Variants in ZNF804B observed in about 807,000 individuals in gnomAD.
ZNF804B encodes zinc finger 804B.
Under a neutral mutation model 101.4 loss-of-function variants are expected in ZNF804B, and 80 were observed. The observed-to-expected ratio is 0.79, with a 90% confidence interval of 0.66 to 0.95. The LOEUF (loss-of-function observed/expected upper bound fraction) is 0.95, where lower values mean the gene tolerates loss of function less well. Among genes scored for constraint, ZNF804B ranks in the 40% least tolerant of loss-of-function variants. The pLI is 0.00. For missense variants in ZNF804B, 1,673 were observed against 1,561.9 expected, an observed-to-expected ratio of 1.07 and a Z score of -1.20; for synonymous variants, 622 against 558.8, an observed-to-expected ratio of 1.11 and a Z score of -1.59.
chr7:89,079,357 T>A (rs1789660971), intron 1 of ZNF804B, among the ~76,000 whole-genome samples: 1 of 152,036 alleles, frequency 6.6e-6, no homozygotes, highest in African/African-American at 2.4e-5. Flanking sequence ...AAGTAAAAAG[T>A]AAAACATAAG....
intron 1 of ZNF804B, among the ~76,000 whole-genome samples, chr7:88,980,512 A>G (rs1397213948): frequency 3.3e-5 from 5 of 152,218 alleles, no homozygotes; most frequent in East Asian, 2.0e-4. Flanking sequence ...CACTGCAGCC[A>G]TATCTGCAAT....
intron 2 of ZNF804B, among the ~76,000 whole-genome samples, chr7:89,298,121 A>G (rs1790411515): frequency 4.7e-5 from 1 of 21,374 alleles, no homozygotes; most frequent in Non-Finnish European, 7.6e-5. Context: ...CCTCTATTTC[A>G]TATAAATATA....
intron 1 of ZNF804B, among the ~76,000 whole-genome samples, chr7:89,048,244 T>C (rs6971310): frequency 0.82 from 123,534 of 151,432 alleles, 50,820 homozygotes; most frequent in African/African-American, 0.91. Flanking sequence ...ACTACTCAGC[T>C]GTAAAAAGGA....
At chr7:89,325,443 GAA>G (rs528418140) in intron 2 of ZNF804B, among the ~76,000 whole-genome samples, 8 of 150,280 alleles carry the variant, frequency 5.3e-5, no homozygotes, top group Non-Finnish European at 4.4e-5. Context: ...TCCTTGAAGG[GAA>G]AAAAAAATTG....
At chr7:89,230,343 A>G (rs1431743905) in intron 2 of ZNF804B, among the ~76,000 whole-genome samples, 1 of 151,936 alleles carries the variant, frequency 6.6e-6, no homozygotes, top group South Asian at 2.1e-4. Context: ...GAGTTAGGAT[A>G]ATAAAGAAAT....
intron 1 of ZNF804B, among the ~76,000 whole-genome samples, chr7:88,949,813 A>G (rs1487279214): frequency 4.6e-5 from 7 of 151,928 alleles, no homozygotes; most frequent in African/African-American, 1.7e-4. Flanking sequence ...ATTTACCATT[A>G]TGCTACAATT....
chr7:89,300,147 G>C (rs977275729), intron 2 of ZNF804B, among the ~76,000 whole-genome samples: 1 of 151,456 alleles, frequency 6.6e-6, no homozygotes, highest in African/African-American at 2.4e-5. Flanking sequence ...ATGTCACTCT[G>C]CTGTATGAGA....
chr7:89,300,512 A>C (rs1474163422), intron 2 of ZNF804B, among the ~76,000 whole-genome samples: 1 of 151,878 alleles, frequency 6.6e-6, no homozygotes, highest in Non-Finnish European at 1.5e-5. Context: ...ATGATATTGG[A>C]TTCTGAAGAT....
At chr7:88,862,160 T>C (rs1040004054) in intron 1 of ZNF804B, among the ~76,000 whole-genome samples, 7 of 152,208 alleles carry the variant, frequency 4.6e-5, no homozygotes, top group African/African-American at 1.7e-4. Context: ...AAAGGACATG[T>C]AGTATAAAAT....
At position 89,334,578 on chromosome 7, in the gene ZNF804B, A is replaced by G. The variant is rs781274730; in HGVS notation, c.1596A>G (p.Gln532=). 99 of 1,613,682 alleles carry G rather than the reference A, an allele frequency of 6.1e-5. No individual in the cohort carries two copies. The Admixed American group carries it at 1.3e-3, about 21-fold the overall frequency. The stretch of plus-strand genomic sequence containing the variant: ...AAAAATTGATCCAAGAAGATTATCA[A>G]TATCCGAAACCAAAGACGATGATAG... ...DQQKLIQEDY[Q]YPKPKTMIAN... The change falls in exon 4 of 4, where the codon CAA becomes CAG. Residue 532 remains glutamine (Q), a synonymous_variant. Coordinates refer to ENST00000333190, the MANE Select transcript of ZNF804B (RefSeq NM_181646.5).
At chr7:88,800,054 C>T (rs1790554518) in intron 1 of ZNF804B, among the ~76,000 whole-genome samples, 1 of 152,088 alleles carries the variant, frequency 6.6e-6, no homozygotes, top group Admixed American at 6.6e-5. Flanking sequence ...AAACAAAACA[C>T]TCTAAATCAT....
At chr7:88,913,238 T>C (rs1341834680) in intron 1 of ZNF804B, among the ~76,000 whole-genome samples, 1 of 152,206 alleles carries the variant, frequency 6.6e-6, no homozygotes, top group African/African-American at 2.4e-5. Context: ...AATTAAATTA[T>C]TGAAATAGTT....
rs1790383601 is a variant in ZNF804B at position 89,296,333 on chromosome 7, T to C, written c.250-31011T>C. ...AGATATGTAATTTTAAAATAAAATG[T>C]TTGACCTCTTTATTTTCATATAATT... On this transcript the variant is annotated intron_variant, in intron 2 of 3. Transcript: ENST00000333190. 2.6e-5 allele frequency among the ~76,000 whole-genome samples: 4 copies of C among 152,094 alleles called. No homozygotes were observed. The South Asian group carries it at 8.3e-4, about 31-fold the overall frequency.
intron 2 of ZNF804B, among the ~76,000 whole-genome samples, chr7:89,292,624 G>A (rs2115900226): frequency 6.6e-6 from 1 of 151,516 alleles, no homozygotes; most frequent in East Asian, 1.9e-4. Context: ...ACTGAAAATA[G>A]ACAAAAAAAG....
chr7:89,117,559 A>G (rs898294641), intron 1 of ZNF804B, among the ~76,000 whole-genome samples: 1 of 152,238 alleles, frequency 6.6e-6, no homozygotes, highest in Non-Finnish European at 1.5e-5. Context: ...ATTACTCAGT[A>G]TGATACCCAG....
chr7:89,103,164 T>A (rs1197700683), intron 1 of ZNF804B, among the ~76,000 whole-genome samples: 1 of 150,086 alleles, frequency 6.7e-6, no homozygotes, highest in Admixed American at 6.7e-5. Flanking sequence ...GAATTGTTCT[T>A]TTAACTTAGG....
chr7:88,770,562 G>C (rs114506357), intron 1 of ZNF804B, among the ~76,000 whole-genome samples: 1 of 152,336 alleles, frequency 6.6e-6, no homozygotes, highest in African/African-American at 2.4e-5. Flanking sequence ...CATTAAGCCA[G>C]TAAGACTGTT....
intron 2 of ZNF804B, among the ~76,000 whole-genome samples, chr7:89,291,186 A>G (rs568949811): frequency 2.0e-5 from 3 of 152,298 alleles, no homozygotes; most frequent in Admixed American, 2.0e-4. Context: ...CCAGACTGTG[A>G]AGAATACAAT....
chr7:89,201,069 A>AT (rs1392782343), intron 1 of ZNF804B, among the ~76,000 whole-genome samples: 2 of 151,922 alleles, frequency 1.3e-5, no homozygotes, highest in African/African-American at 2.4e-5. Context: ...ATTTATTTAG[A>AT]TTTTTTAAGA....
Sources: gnomAD v4.1 joint callset for allele counts (sites outside exome capture counted in the v4.1 genomes callset) on GRCh38, gnomAD v4.1.1 for gene constraint, MANE v1.5 for transcripts, NCBI Gene and HGNC (gene_info 2026-07-23, HGNC 2026-07-21) for gene names.